The following DNHD1 variants were observed in gnomAD, a reference collection of about 807,000 sequenced individuals.
The protein encoded by DNHD1 is dynein heavy chain domain-containing protein 1.
Under a neutral mutation model 458.1 loss-of-function variants are expected in DNHD1, and 383 were observed. That is an observed-to-expected ratio of 0.84 (90% confidence interval 0.77 to 0.91). The LOEUF (loss-of-function observed/expected upper bound fraction) is 0.91. Among genes scored for constraint, DNHD1 ranks in the 40% least tolerant of loss-of-function variants. The pLI is 0.00. For synonymous variants in DNHD1, 2,203 were observed against 2,376.9 expected (o/e 0.93, Z 2.13); for missense variants, 5,336 against 5,866.1 (o/e 0.91, Z 2.95).
chr11:6,526,769 G>C (rs1164230854), intron 10 of DNHD1, among the ~76,000 whole-genome samples: 1 of 152,202 alleles, frequency 6.6e-6, no homozygotes, highest in African/African-American at 2.4e-5. Flanking sequence ...TTGGTTTCAA[G>C]AGTACACAGG....
chr11:6,548,548 A>G lies in DNHD1; in HGVS notation c.7099-97A>G. The G allele has an allele frequency of 6.8e-7, 1 of 1,476,800 alleles. No individual in the cohort carries two copies. Among genetic ancestry groups the G allele is most frequent in the Non-Finnish European group, 9.1e-7 (1 of 1,094,594 alleles). 91.5% of individuals were successfully genotyped at this position (1,476,800 alleles called of 1,614,324 possible). A position where few individuals can be genotyped will look rare whatever the true frequency, so the allele number is the denominator to read the frequency against. ...ACAAGAATACATGAAATATTTTCCAAGTACAGCTCTAGGACAAGTCCCTTA... is the reference window on the plus strand; with the variant it reads ...ACAAGAATACATGAAATATTTTCCAGGTACAGCTCTAGGACAAGTCCCTTA... On this transcript the variant is annotated intron_variant, in intron 23 of 42. Transcript: ENST00000254579. The surrounding 1 kb of genome is among the most constrained non-coding windows in gnomAD (Gnocchi z 4.4).
chr11:6,533,735 C>A lies in DNHD1; in HGVS notation c.2560C>A (p.Arg854=). The A allele has an allele frequency of 6.4e-7, 1 of 1,551,362 alleles. No homozygotes were observed. Among genetic ancestry groups the A allele is most frequent in the Non-Finnish European group, 8.7e-7 (1 of 1,146,894 alleles). ...VELEERMEYV[R]ALHELIRNHF... ...GCTGGAGGAGCGAATGGAATACGTA[C>A]GGGCACTCCACGAACTCATCCGCAA... is the stretch of plus-strand genomic sequence containing the variant. The change falls in exon 14 of 43, where the codon CGG becomes AGG. Residue 854 remains arginine (R), a synonymous_variant. Transcript: ENST00000254579.
Position 6,545,036 on chromosome 11 carries a change from A to C in DNHD1, c.4097A>C (p.Glu1366Ala). 4 of 1,551,828 alleles carry C rather than the reference A, an allele frequency of 2.6e-6. No homozygotes were observed. Among genetic ancestry groups the C allele is most frequent in the Admixed American group, 2.0e-5 (1 of 51,002 alleles). Residue 1366 changes from glutamate to alanine, a missense_variant, in exon 21 of 43, where the codon GAG (glutamate) becomes GCG (alanine). Glu to Ala is a moderately radical substitution (Grantham distance 107, BLOSUM62 -1). Transcript: ENST00000254579. The surrounding 1 kb of genome is among the most constrained non-coding windows in gnomAD (Gnocchi z 4.9). ...FPRLFFLSDS[E>A]LVALLAARLE... ...CGCCTCTTCTTCCTTAGTGACAGTG[A>C]GCTGGTAGCCCTGCTGGCTGCTCGA...
chr11:6,527,706 A>G (rs1852737769), intron 10 of DNHD1, among the ~76,000 whole-genome samples: 2 of 152,254 alleles, frequency 1.3e-5, no homozygotes, highest in African/African-American at 2.4e-5. Flanking sequence ...GATTTCCTAG[A>G]GAGTGAGTAC....
chr11:6,570,638 A>G lies in DNHD1; in HGVS notation c.13126A>G (p.Met4376Val). 1 of 1,609,562 alleles carries G rather than the reference A, an allele frequency of 6.2e-7. No individual in the cohort carries two copies. The highest frequency in any genetic ancestry group is 8.5e-7 in the Non-Finnish European group (1 of 1,177,754). ...CCAAGAGCTAAGGGAGCTGGATGCA[A>G]TGGCAGAGTGCAAGGCCCAGATGCA... is the stretch of plus-strand genomic sequence containing the variant. Reference protein sequence around the residue: ...PLPELRELDAMAECKAQMHLL... With the variant: ...PLPELRELDAVAECKAQMHLL... The change falls in exon 42 of 43, where the codon ATG becomes GTG. Residue 4376 changes from methionine to valine, a missense_variant. Met to Val is a conservative substitution (Grantham distance 21). Transcript: ENST00000254579.
In DNHD1 at chr11:6,548,618, G is replaced by A; in HGVS notation, c.7099-27G>A. On this transcript the variant is annotated intron_variant, in intron 23 of 42. Transcript: ENST00000254579. This position sits in a 1 kb window ranked among gnomAD's most constrained non-coding sequence, Gnocchi z 4.4. ...ATTACTGTCTTATACTGGAGGTGCT[G>A]CAGTAAGTCCCACTTCTGTCTTGCA... 2 of 1,550,344 alleles carry A rather than the reference G, an allele frequency of 1.3e-6. No homozygotes were observed. The highest frequency in any genetic ancestry group is 1.2e-5 in the South Asian group (1 of 84,036).
At position 6,571,985 on chromosome 11, in the gene DNHD1, G is replaced by A. The variant is rs148885650; in HGVS notation, c.14261G>A (p.Ter4754=). The change falls in exon 43 of 43, where the codon TGA becomes TAA. Residue 4754 remains the stop codon, a stop_retained_variant. Coordinates refer to ENST00000254579, the MANE Select transcript of DNHD1 (RefSeq NM_144666.3). This position sits in a 1 kb window ranked among gnomAD's most constrained non-coding sequence, Gnocchi z 5.0. ...CATGTGTGCAGCCCACCCCTGTCTTGAGCCCGTCTACCAAAATAAAGTTGT... is the reference window on the plus strand; with the variant it reads ...CATGTGTGCAGCCCACCCCTGTCTTAAGCCCGTCTACCAAAATAAAGTTGT... ...RVHVCSPPLS[*] is the part of the protein sequence containing the mutation. The A allele has an allele frequency of 1.3e-4, 214 of 1,595,962 alleles. No individual in the cohort carries two copies. The African/African-American group carries it at 2.2e-3, about 16-fold the overall frequency.
intron 4 of DNHD1, 73 bp from the exon 5 acceptor site, chr11:6,508,807 G>C: frequency 3.5e-6 from 5 of 1,447,426 alleles, no homozygotes; most frequent in Non-Finnish European, 4.8e-6. Context: ...TTCATCTCCT[G>C]TATCCTCCTT....
chr11:6,533,411 G>A (rs886754588), intron 13 of DNHD1, among the ~76,000 whole-genome samples: 3 of 152,224 alleles, frequency 2.0e-5, no homozygotes, highest in African/African-American at 7.2e-5. Flanking sequence ...TGCTCTCTGT[G>A]ACAGTCAGAT....
intron 4 of DNHD1, chr11:6,503,840 A>G (rs995204711): frequency 6.6e-6 from 1 of 152,202 alleles, no homozygotes; most frequent in African/African-American, 2.4e-5. Context: ...TAATTGTAAT[A>G]ATTGCCTTTA....
At chr11:6,567,916 G>A (rs1470318156) in intron 36 of DNHD1, 56 bp downstream of exon 36, 44 of 1,505,472 alleles carry the variant, frequency 2.9e-5, no homozygotes, top group Non-Finnish European at 3.8e-5. Context: ...GCTGGGGCAT[G>A]GGGGACCCCC....
At chr11:6,527,166 T>C (rs1852726310) in intron 10 of DNHD1, among the ~76,000 whole-genome samples, 1 of 152,252 alleles carries the variant, frequency 6.6e-6, no homozygotes, top group Admixed American at 6.5e-5. Context: ...GCCATTGCCA[T>C]CATCTTCTCA....
intron 18 of DNHD1, among the ~76,000 whole-genome samples, chr11:6,542,859 G>A (rs1048895511): frequency 1.6e-4 from 24 of 152,204 alleles, no homozygotes; most frequent in African/African-American, 4.3e-4. Flanking sequence ...TGCTTTTTAT[G>A]TATCATGTTG....
At chr11:6,525,850 T>A (rs1260299660) in intron 10 of DNHD1, among the ~76,000 whole-genome samples, 3 of 152,178 alleles carry the variant, frequency 2.0e-5, no homozygotes, top group African/African-American at 7.2e-5. Flanking sequence ...TCACTTGTTC[T>A]TTTTGCCTAG....
chr11:6,554,588 T>C (rs1277806908), intron 24 of DNHD1, among the ~76,000 whole-genome samples: 2 of 152,046 alleles, frequency 1.3e-5, no homozygotes, highest in African/African-American at 4.8e-5. Context: ...TACAACTCAA[T>C]AAGAAAACAA....
At chr11:6,566,122 C>T in intron 33 of DNHD1, 119 bp from the exon 34 acceptor site, 2 of 1,485,466 alleles carry the variant, frequency 1.3e-6, no homozygotes, top group Non-Finnish European at 1.8e-6. Flanking sequence ...ATTGAAGCGT[C>T]TTGTGGGAAC....
At chr11:6,511,998 T>C (rs1852342644) in intron 7 of DNHD1, among the ~76,000 whole-genome samples, 1 of 152,090 alleles carries the variant, frequency 6.6e-6, no homozygotes, top group Admixed American at 6.5e-5. Flanking sequence ...CTAATTACCA[T>C]GTGTAGATAG....
chr11:6,514,099 G>A (rs1216629416), intron 7 of DNHD1, among the ~76,000 whole-genome samples: 1 of 152,024 alleles, frequency 6.6e-6, no homozygotes, highest in Non-Finnish European at 1.5e-5. Context: ...ACCTGCCTCA[G>A]CCTCCCGAAG....
In DNHD1 at chr11:6,514,667, T is replaced by C. The variant is rs149305496; in HGVS notation, c.1392+3238T>C. The stretch of plus-strand genomic sequence containing the variant: ...AAGATAAACTCTCACATACCCTTTA[T>C]ATAGATTGTTATTTTTCCCATTTCC... On this transcript the variant is annotated intron_variant, in intron 7 of 42. Coordinates refer to ENST00000254579, the MANE Select transcript of DNHD1 (RefSeq NM_144666.3). Among the ~76,000 whole-genome samples, 385 of 152,266 alleles carry C rather than the reference T, an allele frequency of 2.5e-3. 1 individual carries two copies. Among genetic ancestry groups the C allele is most frequent in the Non-Finnish European group, 1.9e-3 (131 of 68,026 alleles).
Sources: gnomAD v4.1 joint callset for allele counts (sites outside exome capture counted in the v4.1 genomes callset) on GRCh38, gnomAD v4.1.1 for gene constraint, Gnocchi (gnomAD v3.1) non-coding constraint, MANE v1.5 for transcripts, NCBI Gene and HGNC (gene_info 2026-07-23, HGNC 2026-07-21) for gene names.